Variants in EML5 observed in about 807,000 individuals in gnomAD.
EML5 encodes the protein EMAP like 5.
Under a neutral mutation model 250.0 loss-of-function variants are expected in EML5, and 120 were observed. The ratio of observed to expected loss-of-function variants is 0.48; its 90% confidence interval spans 0.41 to 0.56. EML5 has a LOEUF of 0.56. Among genes scored for constraint, EML5 ranks in the 20% least tolerant of loss-of-function variants. The probability of loss-of-function intolerance (pLI) is 0.00; values close to 1 mark genes in which losing one functional copy is unlikely to be tolerated. For synonymous variants in EML5, 771 were observed against 806.5 expected (o/e 0.96, Z 0.75); for missense variants, 2,006 against 2,437.6 (o/e 0.82, Z 3.73).
chr14:88,686,323 A>G (rs2092831182), intron 19 of EML5, among the ~76,000 whole-genome samples: 1 of 152,174 alleles, frequency 6.6e-6, no homozygotes, highest in African/African-American at 2.4e-5. Flanking sequence ...TAACGGGTGC[A>G]GCACACCAAC....
At chr14:88,734,699 T>C (rs1049025301) in intron 7 of EML5, among the ~76,000 whole-genome samples, 2 of 152,114 alleles carry the variant, frequency 1.3e-5, no homozygotes, top group Admixed American at 6.6e-5. Flanking sequence ...GGAAATATCC[T>C]GAAAATTCAT....
At chr14:88,730,629 GT>G (rs1186347088) in intron 7 of EML5, among the ~76,000 whole-genome samples, 1 of 152,152 alleles carries the variant, frequency 6.6e-6, no homozygotes, top group African/African-American at 2.4e-5. Flanking sequence ...GTTAACAGAT[GT>G]TACAGATACT....
intron 35 of EML5, chr14:88,626,511 C>T (rs2089965492): frequency 3.9e-6 from 1 of 256,260 alleles, no homozygotes; most frequent in East Asian, 8.7e-5. Context: ...GTAGTCCCAG[C>T]TACTAAGGAG....
At chr14:88,701,805 C>T (rs1472018952) in intron 14 of EML5, among the ~76,000 whole-genome samples, 1 of 152,122 alleles carries the variant, frequency 6.6e-6, no homozygotes, top group Non-Finnish European at 1.5e-5. Flanking sequence ...ACCTAAACCT[C>T]ATCATTTGTA....
chr14:88,642,831 G>A (rs918557493), intron 31 of EML5, 62 bp downstream of exon 31: 1 of 1,489,282 alleles, frequency 6.7e-7, no homozygotes, highest in Non-Finnish European at 9.1e-7. Context: ...ATTTTAAGCT[G>A]CTAGATCAAA....
Position 88,738,918 on chromosome 14 carries a change from T to C in EML5, c.808A>G (p.Thr270Ala), listed in dbSNP as rs2093885627. Reference sequence around the variant, plus strand: ...TCTGTTTCCCTGAGATCAATCACAGTAATTGGTTTAAAAGTTAAATCCCAA... The same window carrying C: ...TCTGTTTCCCTGAGATCAATCACAGCAATTGGTTTAAAAGTTAAATCCCAA... ...RLWDLTFKPITVIDLRETDQG... is the reference protein window; with the variant it reads ...RLWDLTFKPIAVIDLRETDQG... The change falls in exon 6 of 44, where the codon ACT becomes GCT. Residue 270 changes from threonine (T) to alanine (A), a missense_variant. Thr to Ala is a moderately conservative substitution (Grantham distance 58). Transcript: ENST00000554922. 6.3e-7 allele frequency: 1 copy of C among 1,589,548 alleles called. No homozygotes were observed. Among genetic ancestry groups the C allele is most frequent in the South Asian group, 1.2e-5 (1 of 86,608 alleles).
At chr14:88,782,385 G>A (rs1307222609) in intron 1 of EML5, among the ~76,000 whole-genome samples, 1 of 152,124 alleles carries the variant, frequency 6.6e-6, no homozygotes, top group Non-Finnish European at 1.5e-5. Flanking sequence ...CAGTAGAAAA[G>A]AAAAACCCAT....
chr14:88,671,480 G>A (rs1434191665), intron 21 of EML5, among the ~76,000 whole-genome samples: 5 of 152,156 alleles, frequency 3.3e-5, no homozygotes, highest in Non-Finnish European at 7.3e-5. Context: ...ATGATACTAC[G>A]AAGCAACTAC....
At chr14:88,688,574 T>A in intron 17 of EML5, 101 bp from the exon 18 acceptor site, 2 of 1,188,634 alleles carry the variant, frequency 1.7e-6, no homozygotes, top group South Asian at 2.8e-5. Flanking sequence ...GTTTGAATAG[T>A]AAGGCATGCA....
At chr14:88,779,812 T>C (rs986542561) in intron 1 of EML5, among the ~76,000 whole-genome samples, 1 of 152,230 alleles carries the variant, frequency 6.6e-6, no homozygotes, top group East Asian at 1.9e-4. Context: ...TTTCAGTGGA[T>C]AGAACTAGGT....
intron 27 of EML5, among the ~76,000 whole-genome samples, chr14:88,653,133 G>A (rs185247843): frequency 1.3e-5 from 2 of 152,108 alleles, no homozygotes; most frequent in Non-Finnish European, 2.9e-5. Context: ...TGTGATTTTT[G>A]CACATTTATC....
At chr14:88,619,182 A>G (rs2088360593) in intron 39 of EML5, 1 of 159,330 alleles carries the variant, frequency 6.3e-6, no homozygotes, top group Non-Finnish European at 1.4e-5. Context: ...CCTGACCAAC[A>G]TAGAGAAACC....
intron 18 of EML5, 109 bp downstream of exon 18, chr14:88,688,162 A>G: frequency 9.7e-7 from 1 of 1,031,396 alleles, no homozygotes; most frequent in South Asian, 1.5e-5. Context: ...CCCACAGACT[A>G]CTGCTGGATA....
chr14:88,750,780 A>T (rs1340567886), intron 2 of EML5, among the ~76,000 whole-genome samples: 1 of 152,202 alleles, frequency 6.6e-6, no homozygotes, highest in Non-Finnish European at 1.5e-5. Context: ...AGAGGAGATT[A>T]TTTGTACCTC....
chr14:88,750,057 C>A (rs1031321715), intron 2 of EML5, among the ~76,000 whole-genome samples: 5 of 152,208 alleles, frequency 3.3e-5, no homozygotes, highest in African/African-American at 1.2e-4. Context: ...TCACACTGCA[C>A]TGCAATGCAG....
chr14:88,632,984 A>C (rs2090523519), intron 33 of EML5, among the ~76,000 whole-genome samples: 1 of 152,272 alleles, frequency 6.6e-6, no homozygotes, highest in South Asian at 2.1e-4. Flanking sequence ...GATGCTCCGG[A>C]TTCCACCTCA....
intron 1 of EML5, among the ~76,000 whole-genome samples, chr14:88,771,884 T>C (rs1595849457): frequency 6.6e-6 from 1 of 152,168 alleles, no homozygotes; most frequent in Non-Finnish European, 1.5e-5. Flanking sequence ...CCTCTGAATA[T>C]TAAAGTGTAT....
At chr14:88,782,806 AC>A (rs1396236162) in intron 1 of EML5, among the ~76,000 whole-genome samples, 2 of 152,182 alleles carry the variant, frequency 1.3e-5, no homozygotes, top group Non-Finnish European at 2.9e-5. Context: ...TGGATCGGGC[AC>A]GGTGGCTCAC....
intron 12 of EML5, 66 bp from the exon 13 acceptor site, chr14:88,705,044 C>A: frequency 9.7e-7 from 1 of 1,027,502 alleles, no homozygotes; most frequent in Non-Finnish European, 1.4e-6. Context: ...TCGTATACTC[C>A]CAATATAACT....
Sources: gnomAD v4.1 joint callset for allele counts (sites outside exome capture counted in the v4.1 genomes callset) on GRCh38, gnomAD v4.1.1 for gene constraint, MANE v1.5 for transcripts, NCBI Gene and HGNC (gene_info 2026-07-23, HGNC 2026-07-21) for gene names.